TMPRSS13: variants seen among roughly 807,000 people sequenced by gnomAD.
TMPRSS13 encodes transmembrane protease serine 13.
TMPRSS13 carries 50 observed loss-of-function variants against 68.4 expected under a neutral mutation model. That is an observed-to-expected ratio of 0.73 (90% CI 0.58 to 0.93). TMPRSS13 has a LOEUF of 0.93. Ranked by LOEUF, TMPRSS13 falls within the 40% of genes least tolerant of loss-of-function variation. The pLI, the probability that TMPRSS13 is intolerant of heterozygous loss-of-function variation, is 0.00. For synonymous variants in TMPRSS13, 267 were observed against 285.8 expected, an observed-to-expected ratio of 0.93 and a Z score of 0.66; for missense variants, 615 against 729.2, an observed-to-expected ratio of 0.84 and a Z score of 1.80.
Position 117,909,867 on chromosome 11 carries a change from TGTGGGTGGTGCCGAA to T in TMPRSS13, c.1033_1047del (p.Phe345_His349del), listed in dbSNP as rs2057503257. ...GCGTCAATGAGCGTGCCTCCACAGA[TGTGGGTGGTGCCGAA>T]GTGCAGACTCACTTGCCAAGGCCAC... On this transcript the variant is annotated inframe_deletion, in exon 8 of 13. Coordinates refer to ENST00000524993, the MANE Select transcript of TMPRSS13 (RefSeq NM_001077263.3). 6.2e-7 allele frequency: 1 copy of T among 1,614,028 alleles called. No individual in the cohort carries two copies. The highest frequency in any genetic ancestry group is 2.2e-5 in the East Asian group (1 of 44,890).
intron 5 of TMPRSS13, among the ~76,000 whole-genome samples, chr11:117,913,230 C>T (rs2057540838): frequency 6.6e-6 from 1 of 152,202 alleles, no homozygotes; most frequent in East Asian, 1.9e-4. Flanking sequence ...GGTCATTGCT[C>T]ACCTACTTCC....
At position 117,914,525 on chromosome 11, in the gene TMPRSS13, A is replaced by C; in HGVS notation, c.557-11T>G. On this transcript the variant is annotated splice_polypyrimidine_tract_variant and intron_variant, in intron 3 of 12. Transcript: ENST00000524993. This position sits in a 1 kb window ranked among gnomAD's most constrained non-coding sequence, Gnocchi z 4.2. ...CCTGCCAGAACTGGACTAGAGAAAAAGAAGCAGACAGCTGGGTCATGGCCA... is the reference window on the plus strand; with the variant it reads ...CCTGCCAGAACTGGACTAGAGAAAACGAAGCAGACAGCTGGGTCATGGCCA... 6.2e-7 allele frequency: 1 copy of C among 1,613,518 alleles called. No individual in the cohort carries two copies. The highest frequency in any genetic ancestry group is 8.5e-7 in the Non-Finnish European group (1 of 1,179,914).
At chr11:117,911,733 G>T in intron 6 of TMPRSS13, 35 bp downstream of exon 6, 1 of 1,578,988 alleles carries the variant, frequency 6.3e-7, no homozygotes, top group African/African-American at 1.3e-5. Context: ...TCCTTCCCCT[G>T]CTCACAAACA....
intron 1 of TMPRSS13, among the ~76,000 whole-genome samples, chr11:117,923,482 C>G (rs1013914961): frequency 1.1e-4 from 16 of 152,108 alleles, no homozygotes; most frequent in Non-Finnish European, 8.8e-5. Context: ...GGTTATGGAG[C>G]TGCTGCTGTG....
chr11:117,924,818 C>T (rs1012104006), intron 1 of TMPRSS13, among the ~76,000 whole-genome samples: 2 of 152,176 alleles, frequency 1.3e-5, no homozygotes, highest in African/African-American at 4.8e-5. Context: ...CTCTCCTCAG[C>T]ACACAGGCAT....
intron 7 of TMPRSS13, 47 bp from the exon 8 acceptor site, chr11:117,910,015 T>C (rs1344678721): frequency 6.3e-7 from 1 of 1,595,780 alleles, no homozygotes; most frequent in Non-Finnish European, 8.6e-7. Context: ...TCTCCCAGGG[T>C]TCTTTCCGAG....
At chr11:117,925,005 C>T (rs1591632811) in intron 1 of TMPRSS13, among the ~76,000 whole-genome samples, 2 of 152,194 alleles carry the variant, frequency 1.3e-5, no homozygotes, top group Non-Finnish European at 2.9e-5. Flanking sequence ...CCTAGGCCGC[C>T]GTGTGACCTT....
chr11:117,929,308 G>A lies in TMPRSS13; in HGVS notation c.-1C>T, dbSNP rs1435315216. 2 of 1,605,310 alleles carry A rather than the reference G, an allele frequency of 1.2e-6. No individual in the cohort carries two copies. The highest frequency in any genetic ancestry group is 2.2e-5 in the South Asian group (2 of 89,174). On this transcript the variant is annotated 5_prime_UTR_variant, in exon 1 of 13. Coordinates refer to ENST00000524993, the MANE Select transcript of TMPRSS13 (RefSeq NM_001077263.3). ...TCACCCCGTGGCTGTCCCTCTCCAT[G>A]GTCTCTGAGGGGAAGAGTCCTCCAG...
chr11:117,914,590 G>A lies in TMPRSS13; in HGVS notation c.557-76C>T. On this transcript the variant is annotated intron_variant, in intron 3 of 12. Coordinates refer to ENST00000524993, the MANE Select transcript of TMPRSS13 (RefSeq NM_001077263.3). This position sits in a 1 kb window ranked among gnomAD's most constrained non-coding sequence, Gnocchi z 4.2. ...AGACACTGAGCAGCCCAAGGACCTG[G>A]GGGTTCTGAGACACCGACCTGCAAT... The A allele has an allele frequency of 6.3e-7, 1 of 1,588,920 alleles. No homozygotes were observed. Among genetic ancestry groups the A allele is most frequent in the Non-Finnish European group, 8.5e-7 (1 of 1,170,842 alleles).
chr11:117,907,677 A>T (rs2057477283), intron 9 of TMPRSS13: 2 of 399,334 alleles, frequency 5.0e-6, no homozygotes, highest in East Asian at 1.6e-4. Context: ...TCTTTTCGGG[A>T]CCCACCTTGG....
chr11:117,916,735 A>G (rs912239565), intron 3 of TMPRSS13, among the ~76,000 whole-genome samples: 3 of 152,124 alleles, frequency 2.0e-5, no homozygotes, highest in Non-Finnish European at 4.4e-5. Context: ...GTGTTTTTTT[A>G]ATAGCTAGTA....
In TMPRSS13 at chr11:117,929,362, T is replaced by A; in HGVS notation, c.-55A>T. On this transcript the variant is annotated 5_prime_UTR_variant, in exon 1 of 13. The change abolishes an upstream ATG in the 5' untranslated region. Coordinates refer to ENST00000524993, the MANE Select transcript of TMPRSS13 (RefSeq NM_001077263.3). ...TAGCTGATGTCGAGGAGAAGATCCA[T>A]CTTGGTCCCTGGCTTCTCAGGCATG... 6.4e-7 allele frequency: 1 copy of A among 1,571,452 alleles called. No individual in the cohort carries two copies. The highest frequency in any genetic ancestry group is 1.2e-5 in the South Asian group (1 of 86,302).
chr11:117,901,708 T>G lies in TMPRSS13; in HGVS notation c.*531A>C. The G allele has an allele frequency of 6.3e-6, 1 of 158,250 alleles. No individual in the cohort carries two copies. Among genetic ancestry groups the G allele is most frequent in the Non-Finnish European group, 1.4e-5 (1 of 71,374 alleles). The allele number at this position is 158,250 out of a possible 1,614,324, so 9.8% of individuals were successfully genotyped here. A position where few individuals can be genotyped will look rare whatever the true frequency, so the allele number is the denominator to read the frequency against. On this transcript the variant is annotated 3_prime_UTR_variant, in exon 13 of 13. Transcript: ENST00000524993. ...TGACATCCACGGCACCAGCAGGGGG[T>G]CTGGGTGAGGACTTGATGCTCATAA...
intron 12 of TMPRSS13, 147 bp from the exon 13 acceptor site, chr11:117,902,412 G>T: frequency 1.2e-6 from 1 of 851,188 alleles, no homozygotes; most frequent in Non-Finnish European, 2.0e-6. Flanking sequence ...GGGAAAGGAT[G>T]GATGCAGGAT....
In TMPRSS13 at chr11:117,907,977, C is replaced by A. The variant is rs146795295; in HGVS notation, c.1282+635G>T. ...TCTTCTGAGAACCTCTGCAGCATTT[C>A]CTTTGTGTAGCCTCCTTTGGTCCTT... On this transcript the variant is annotated intron_variant, in intron 9 of 12. Transcript: ENST00000524993. 2.2e-3 allele frequency: 2,209 copies of A among 988,356 alleles called. 19 individuals are homozygous for A. The African/African-American group carries it at 0.031, about 14-fold the overall frequency. 61.2% of individuals were successfully genotyped at this position (988,356 alleles called of 1,614,324 possible). A position where few individuals can be genotyped will look rare whatever the true frequency, so the allele number is the denominator to read the frequency against.
intron 10 of TMPRSS13, among the ~76,000 whole-genome samples, chr11:117,904,864 TATATATATATATATATATATATA>T (rs2057447848): frequency 1.5e-4 from 1 of 6,690 alleles, no homozygotes; most frequent in Non-Finnish European, 2.5e-4. Context: ...GATAAGATTA[TATATATATATATATATATATATA>T]TATATATATA....
chr11:117,908,572 GGCT>G, intron 9 of TMPRSS13, 37 bp downstream of exon 9: 1 of 1,544,402 alleles, frequency 6.5e-7, no homozygotes, highest in Non-Finnish European at 8.7e-7. Context: ...AGGGTGCTGG[GGCT>G]GGGGGGCAGG....
intron 10 of TMPRSS13, 109 bp downstream of exon 10, chr11:117,905,529 T>C (rs1057110908): frequency 1.1e-5 from 10 of 908,836 alleles, no homozygotes; most frequent in Non-Finnish European, 1.5e-5. Flanking sequence ...CAAACGCTCA[T>C]CGACATAGGC....
At chr11:117,921,367 G>A (rs949766081) in intron 1 of TMPRSS13, among the ~76,000 whole-genome samples, 1 of 152,156 alleles carries the variant, frequency 6.6e-6, no homozygotes, top group Non-Finnish European at 1.5e-5. Context: ...AAGGACCCGG[G>A]GCTCAGAGAG....
Sources: allele counts gnomAD v4.1 joint callset (sites outside exome capture counted in the v4.1 genomes callset), GRCh38; gene constraint gnomAD v4.1.1; non-coding constraint Gnocchi (gnomAD v3.1); transcripts MANE v1.5; gene names NCBI Gene and HGNC (gene_info 2026-07-23, HGNC 2026-07-21).